Variants in ACOX3 observed in about 807,000 individuals in gnomAD.
ACOX3 encodes acyl-CoA oxidase 3, pristanoyl.
In ACOX3, 73 loss-of-function variants were observed where a neutral mutation model predicts 81.5. That is an observed-to-expected ratio of 0.90 (90% CI 0.74 to 1.09). The LOEUF (loss-of-function observed/expected upper bound fraction) is 1.09. ACOX3 is among the 50% of genes least tolerant of loss of function. The pLI is 0.00. For missense variants in ACOX3, 947 were observed against 928.0 expected, an observed-to-expected ratio of 1.02 and a Z score of -0.27; for synonymous variants, 387 against 375.1, an observed-to-expected ratio of 1.03 and a Z score of -0.37.
intron 15 of ACOX3, chr4:8,374,740 G>C (rs1266403261): frequency 1.4e-5 from 6 of 418,590 alleles, no homozygotes; most frequent in Non-Finnish European, 2.5e-5. Context: ...TTCTGGAAGT[G>C]TTCTCTGAAC....
chr4:8,356,179 A>G, the ACOX3 span: 3 of 265,120 alleles, frequency 1.1e-5, no homozygotes, highest in Non-Finnish European at 2.2e-5. Flanking sequence ...CAGCAGGATG[A>G]GGAAGATTCT....
chr4:8,417,883 A>G (rs1213137318), intron 1 of ACOX3, among the ~76,000 whole-genome samples: 1 of 152,250 alleles, frequency 6.6e-6, no homozygotes, highest in East Asian at 1.9e-4. Context: ...CTGACCCTAA[A>G]GAAATAAAAA....
chr4:8,383,455 G>A (rs967212170), intron 13 of ACOX3, among the ~76,000 whole-genome samples: 14 of 152,234 alleles, frequency 9.2e-5, no homozygotes, highest in Non-Finnish European at 1.6e-4. Context: ...CCAATGACAC[G>A]TGTCCTTACA....
Position 8,416,164 on chromosome 4 carries a change from A to T in ACOX3, c.145-165T>A, listed in dbSNP as rs371150887. Among the ~76,000 whole-genome samples, 8 of 152,248 alleles carry T rather than the reference A, an allele frequency of 5.3e-5. No homozygotes were observed. In the East Asian group the frequency reaches 1.5e-3, roughly 29 times the overall value. ...CATTCCCAATGGACTAGAGGACTGG[A>T]GGCTTAAGAAACATCAACAATCCGT... On this transcript the variant is annotated intron_variant, in intron 2 of 17. Coordinates refer to ENST00000356406, the MANE Select transcript of ACOX3 (RefSeq NM_003501.3). This position sits in a 1 kb window ranked among gnomAD's most constrained non-coding sequence, Gnocchi z 4.2.
At chr4:8,403,858 G>A (rs1266451907) in intron 7 of ACOX3, among the ~76,000 whole-genome samples, 1 of 152,198 alleles carries the variant, frequency 6.6e-6, no homozygotes, top group Non-Finnish European at 1.5e-5. Context: ...CAGTGAAGAA[G>A]AGCCTTGCTC....
intron 6 of ACOX3, among the ~76,000 whole-genome samples, chr4:8,408,463 C>T (rs536426127): frequency 8.5e-5 from 13 of 152,170 alleles, no homozygotes; most frequent in South Asian, 6.2e-4. Flanking sequence ...GCGAGAGGGG[C>T]GACACAATCC....
In ACOX3 at chr4:8,396,958, T is replaced by A. The variant is rs143416593; in HGVS notation, c.1035A>T (p.Pro345=). Residue 345 remains proline, a synonymous_variant, in exon 9 of 18, where the codon CCA becomes CCT. Transcript: ENST00000356406. ...QFGPTEEEEI[P]VLEYPMQQWR... is the part of the protein sequence containing the mutation. ...ATACCTGCATTGGATACTCAAGCAC[T>A]GGTATTTCCTCCTCCTCTGTGGGTC... 1 of 1,612,002 alleles carries A rather than the reference T, an allele frequency of 6.2e-7. No individual in the cohort carries two copies. The highest frequency in any genetic ancestry group is 8.5e-7 in the Non-Finnish European group (1 of 1,179,378).
chr4:8,392,856 C>A (rs1264268801), intron 10 of ACOX3, among the ~76,000 whole-genome samples: 3 of 152,204 alleles, frequency 2.0e-5, no homozygotes, highest in Non-Finnish European at 4.4e-5. Context: ...GGGAACCAGA[C>A]TCAGCACCGC....
At chr4:8,398,803 C>T in intron 8 of ACOX3, among the ~76,000 whole-genome samples, 1 of 152,184 alleles carries the variant, frequency 6.6e-6, no homozygotes. Context: ...TCTCCTTCTG[C>T]CTTCTAGAGG....
intron 1 of ACOX3, among the ~76,000 whole-genome samples, chr4:8,439,713 A>G (rs998640197): frequency 6.6e-6 from 1 of 152,256 alleles, no homozygotes; most frequent in Non-Finnish European, 1.5e-5. Flanking sequence ...GTTTCCAGCT[A>G]TAAGAGAATT....
In ACOX3 at chr4:8,386,292, C is replaced by T. The variant is rs558609986; in HGVS notation, c.1537+2881G>A. Reference sequence around the variant, plus strand: ...GCTTAGAAAGTGACTTGCGGCCGGGCGTGGTGGCTCATGCCTGTGATCCCA... The same window carrying T: ...GCTTAGAAAGTGACTTGCGGCCGGGTGTGGTGGCTCATGCCTGTGATCCCA... On this transcript the variant is annotated intron_variant, in intron 13 of 17. Coordinates refer to ENST00000356406, the MANE Select transcript of ACOX3 (RefSeq NM_003501.3). This position sits in a 1 kb window ranked among gnomAD's most constrained non-coding sequence, Gnocchi z 5.2. Among the ~76,000 whole-genome samples the T allele has an allele frequency of 1.3e-3, 199 of 152,102 alleles. 1 individual carries two copies. Among genetic ancestry groups the T allele is most frequent in the African/African-American group, 4.3e-3 (177 of 41,480 alleles).
intron 14 of ACOX3, among the ~76,000 whole-genome samples, chr4:8,379,130 G>A (rs3822207): frequency 0.33 from 50,248 of 152,186 alleles, 12,125 homozygotes; most frequent in African/African-American, 0.69. Flanking sequence ...TGTTTAGAGC[G>A]TCTTTTGCAA....
At position 8,399,208 on chromosome 4, in the gene ACOX3, T is replaced by C. The variant is rs1720056325; in HGVS notation, c.873+348A>G. Reference sequence around the variant, plus strand: ...GTGAGTTCTGGACACCGGGGAACTCTGTTTGTCGTCCCCCTTTGTGGACAG... The same window carrying C: ...GTGAGTTCTGGACACCGGGGAACTCCGTTTGTCGTCCCCCTTTGTGGACAG... On this transcript the variant is annotated intron_variant, in intron 8 of 17. Coordinates refer to ENST00000356406, the MANE Select transcript of ACOX3 (RefSeq NM_003501.3). The surrounding 1 kb of genome is among the most constrained non-coding windows in gnomAD (Gnocchi z 4.9). 6.6e-6 allele frequency among the ~76,000 whole-genome samples: 1 copy of C among 152,224 alleles called. No homozygotes were observed. The highest frequency in any genetic ancestry group is 2.4e-5 in the African/African-American group (1 of 41,460).
chr4:8,415,501 A>G (rs62286045), intron 3 of ACOX3, among the ~76,000 whole-genome samples: 4 of 151,152 alleles, frequency 2.6e-5, no homozygotes, highest in Admixed American at 6.6e-5. Flanking sequence ...ATGGGACTTG[A>G]AGCTTCACCA....
At position 8,416,607 on chromosome 4, in the gene ACOX3, G is replaced by A; in HGVS notation, c.-14-72C>T. The A allele has an allele frequency of 6.9e-7, 1 of 1,442,236 alleles. No individual in the cohort carries two copies. 89.3% of individuals were successfully genotyped at this position (1,442,236 alleles called of 1,614,324 possible). On this transcript the variant is annotated intron_variant, in intron 1 of 17. Transcript: ENST00000356406. This position sits in a 1 kb window ranked among gnomAD's most constrained non-coding sequence, Gnocchi z 4.2. ...TCAAACTACCCCCACCAACAGGAGA[G>A]CCCGCAACACCTTACAAATCAGAGA...
chr4:8,396,668 G>A (rs1719727456), intron 9 of ACOX3, among the ~76,000 whole-genome samples: 1 of 142,818 alleles, frequency 7.0e-6, no homozygotes, highest in South Asian at 2.2e-4. Flanking sequence ...ACAGAGCAAG[G>A]CTCCGTCTGG....
Position 8,370,830 on chromosome 4 carries a change from C to T in ACOX3, c.1983+78G>A. 6 of 1,378,658 alleles carry T rather than the reference C, an allele frequency of 4.4e-6. No individual in the cohort carries two copies. The highest frequency in any genetic ancestry group is 2.4e-5 in the South Asian group (2 of 84,912). 85.4% of individuals were successfully genotyped at this position (1,378,658 alleles called of 1,614,324 possible). A position where few individuals can be genotyped will look rare whatever the true frequency, so the allele number is the denominator to read the frequency against. On this transcript the variant is annotated intron_variant, in intron 17 of 17. Coordinates refer to ENST00000356406, the MANE Select transcript of ACOX3 (RefSeq NM_003501.3). The surrounding 1 kb of genome is among the most constrained non-coding windows in gnomAD (Gnocchi z 6.3). ...TTTCCAGAAGACACCAGACCCCTGA[C>T]CCACAGGAGCATCTCAGCTCCGCAG...
At chr4:8,433,854 C>T (rs2109047987) in intron 1 of ACOX3, among the ~76,000 whole-genome samples, 1 of 152,264 alleles carries the variant, frequency 6.6e-6, no homozygotes, top group Non-Finnish European at 1.5e-5. Flanking sequence ...GCTAAATTGG[C>T]AGTATCCAAC....
Position 8,394,624 on chromosome 4 carries a change from C to A in ACOX3, c.1175G>T (p.Arg392Ile). The A allele has an allele frequency of 6.2e-7, 1 of 1,613,522 alleles. No homozygotes were observed. Among genetic ancestry groups the A allele is most frequent in the African/African-American group, 1.3e-5 (1 of 75,064 alleles). Residue 392 changes from arginine to isoleucine, a missense_variant, in exon 10 of 18, where the codon AGA becomes ATA. Arg to Ile is a moderately conservative substitution (Grantham distance 97). Transcript: ENST00000356406. The surrounding 1 kb of genome is among the most constrained non-coding windows in gnomAD (Gnocchi z 5.9). Reference protein sequence around the residue: ...RGLASGDRSARQAELGREIHA... With the variant: ...RGLASGDRSAIQAELGREIHA... ...AGGAAGCAGACACCACCTCACCTGT[C>A]TGGCGCTGCGGTCTCCCGATGCAAG... is the stretch of plus-strand genomic sequence containing the variant.
Sources: allele counts gnomAD v4.1 joint callset (sites outside exome capture counted in the v4.1 genomes callset), GRCh38; gene constraint gnomAD v4.1.1; non-coding constraint Gnocchi (gnomAD v3.1); transcripts MANE v1.5; gene names NCBI Gene and HGNC (gene_info 2026-07-23, HGNC 2026-07-21).